Variants in CTNNA3 observed in about 807,000 individuals in gnomAD.
CTNNA3 encodes the protein catenin alpha 3, also known as catenin alpha-3.
A neutral mutation model predicts 95.7 loss-of-function variants in CTNNA3; 76 were observed. The ratio of observed to expected loss-of-function variants is 0.79; its 90% CI spans 0.66 to 0.96. The LOEUF is 0.96. CTNNA3 is among the 40% of genes least tolerant of loss of function. CTNNA3 has a pLI of 0.00. For missense variants in CTNNA3, 1,191 were observed against 1,089.8 expected (o/e 1.09, Z -1.31); for synonymous variants, 431 against 374.4 (o/e 1.15, Z -1.74).
chr10:66,603,064 C>A (rs1164684679), intron 10 of CTNNA3, among the ~76,000 whole-genome samples: 1 of 151,998 alleles, frequency 6.6e-6, no homozygotes, highest in Non-Finnish European at 1.5e-5. Flanking sequence ...CCAATTTTAT[C>A]CAACATAGTA....
intron 14 of CTNNA3, among the ~76,000 whole-genome samples, chr10:66,102,751 A>G (rs1268979021): frequency 1.3e-5 from 2 of 151,988 alleles, no homozygotes; most frequent in African/African-American, 4.8e-5. Context: ...GGGCAGGCAC[A>G]GGAGAAGTTA....
In CTNNA3 at chr10:66,242,780, C is replaced by G. The variant is rs1211481753; in HGVS notation, c.1884+37690G>C. 2.0e-5 allele frequency among the ~76,000 whole-genome samples: 3 copies of G among 152,042 alleles called. No homozygotes were observed. The East Asian group carries it at 5.8e-4, about 29-fold the overall frequency. On this transcript the variant is annotated intron_variant, in intron 13 of 17. Transcript: ENST00000433211. ...TTCATTACTAACAATAAAATTTAAG[C>G]AGGAGAAATAAAAATTCCCTTGAAT...
intron 7 of CTNNA3, among the ~76,000 whole-genome samples, chr10:66,903,800 A>T (rs945408400): frequency 2.0e-5 from 3 of 152,174 alleles, no homozygotes; most frequent in African/African-American, 4.8e-5. Context: ...AGAATAAAAT[A>T]CCTAGGAATC....
intron 7 of CTNNA3, among the ~76,000 whole-genome samples, chr10:66,978,960 C>CTTTTTTTTTTTTTTTTTTTTTTTT: frequency 1.2e-5 from 1 of 83,782 alleles, no homozygotes; most frequent in Non-Finnish European, 2.2e-5. Flanking sequence ...TACTTATTTC[C>CTTTTTTTTTTTTTTTTTTTTTTTT]TTTTTTTTTT....
intron 11 of CTNNA3, among the ~76,000 whole-genome samples, chr10:66,474,130 T>C (rs1160022143): frequency 6.6e-6 from 1 of 152,074 alleles, no homozygotes; most frequent in African/African-American, 2.4e-5. Context: ...TAGTTAATCA[T>C]AGTCACCCGT....
At chr10:66,384,014 G>C (rs570560261) in intron 11 of CTNNA3, among the ~76,000 whole-genome samples, 27 of 152,198 alleles carry the variant, frequency 1.8e-4, no homozygotes, top group African/African-American at 5.5e-4. Context: ...AAAGACCATC[G>C]ATGCTATGAA....
Position 66,656,194 on chromosome 10 carries a change from C to A in CTNNA3, c.1282-34410G>T, listed in dbSNP as rs549026200. ...CAATGCATGTCCAGAGAAAAGTGAG[C>A]AGGACAGCAAAGGATCTCTGCAATA... On this transcript the variant is annotated intron_variant, in intron 9 of 17. Transcript: ENST00000433211. Among the ~76,000 whole-genome samples, 7 of 152,098 alleles carry A rather than the reference C, an allele frequency of 4.6e-5. No individual in the cohort carries two copies. In the East Asian group the frequency reaches 1.4e-3, roughly 29 times the overall value.
At chr10:66,609,146 A>G (rs1844238784) in intron 10 of CTNNA3, among the ~76,000 whole-genome samples, 1 of 151,116 alleles carries the variant, frequency 6.6e-6, no homozygotes, top group Admixed American at 6.6e-5. Flanking sequence ...TGTAACCTCC[A>G]CCTCTCAGGT....
chr10:67,107,913 G>A (rs1420737246), intron 7 of CTNNA3, among the ~76,000 whole-genome samples: 1 of 152,146 alleles, frequency 6.6e-6, no homozygotes, highest in East Asian at 1.9e-4. Flanking sequence ...GCTCTAGCAG[G>A]GACTCTGGCC....
intron 17 of CTNNA3, among the ~76,000 whole-genome samples, chr10:65,923,306 T>C (rs1379069830): frequency 6.6e-6 from 1 of 152,242 alleles, no homozygotes; most frequent in African/African-American, 2.4e-5. Context: ...CACCTCAAGA[T>C]TGACCTAATG....
At chr10:66,727,902 T>A (rs1848828280) in intron 9 of CTNNA3, among the ~76,000 whole-genome samples, 1 of 152,188 alleles carries the variant, frequency 6.6e-6, no homozygotes, top group South Asian at 2.1e-4. Context: ...TCAAATGTGA[T>A]AAAGGAGATG....
intron 1 of CTNNA3, among the ~76,000 whole-genome samples, chr10:67,757,701 T>C (rs2131754850): frequency 6.6e-6 from 1 of 152,344 alleles, no homozygotes; most frequent in South Asian, 2.1e-4. Flanking sequence ...GACTGAAGGC[T>C]GTTGCACTGT....
At chr10:67,035,691 C>G (rs141462852) in intron 7 of CTNNA3, among the ~76,000 whole-genome samples, 1 of 152,234 alleles carries the variant, frequency 6.6e-6, no homozygotes, top group East Asian at 1.9e-4. Context: ...ATCTTTCAAT[C>G]AAATTAGGCA....
chr10:65,953,157 C>T (rs930063899), intron 17 of CTNNA3, among the ~76,000 whole-genome samples: 1 of 152,164 alleles, frequency 6.6e-6, no homozygotes, highest in Admixed American at 6.5e-5. Flanking sequence ...ACAACAGTTT[C>T]CCACTAGGCG....
chr10:67,359,242 A>G (rs865773741), intron 5 of CTNNA3, among the ~76,000 whole-genome samples: 23 of 151,122 alleles, frequency 1.5e-4, no homozygotes, highest in Non-Finnish European at 1.9e-4. Flanking sequence ...ATAACTTTAA[A>G]AAAAAAAAAA....
intron 13 of CTNNA3, among the ~76,000 whole-genome samples, chr10:66,204,550 C>A (rs1244928671): frequency 6.6e-6 from 1 of 152,170 alleles, no homozygotes; most frequent in Admixed American, 6.6e-5. Flanking sequence ...TCTGCCCCAG[C>A]CTTCAGCTCC....
chr10:66,609,934 A>C (rs1208663501), intron 10 of CTNNA3, among the ~76,000 whole-genome samples: 1 of 152,174 alleles, frequency 6.6e-6, no homozygotes, highest in Non-Finnish European at 1.5e-5. Flanking sequence ...AAAGATTGAG[A>C]TCATGTCCTT....
chr10:65,958,469 C>T (rs2077777647), intron 17 of CTNNA3, among the ~76,000 whole-genome samples: 1 of 152,148 alleles, frequency 6.6e-6, no homozygotes, highest in Non-Finnish European at 1.5e-5. Context: ...AAGAGATGCT[C>T]TGATTTTTAG....
intron 1 of CTNNA3, among the ~76,000 whole-genome samples, chr10:67,706,570 A>G (rs1841080039): frequency 6.6e-6 from 1 of 152,120 alleles, no homozygotes. Context: ...CCCCATTCCA[A>G]GTCCCTTGGG....
Sources: allele counts gnomAD v4.1 joint callset (sites outside exome capture counted in the v4.1 genomes callset), GRCh38; gene constraint gnomAD v4.1.1; transcripts MANE v1.5; gene names NCBI Gene and HGNC (gene_info 2026-07-23, HGNC 2026-07-21).